CCDC7: variants seen among roughly 807,000 people sequenced by gnomAD.
The protein encoded by CCDC7 is coiled-coil domain containing 7, also known as coiled-coil domain-containing protein 7.
In CCDC7, 183 loss-of-function variants were observed where a neutral mutation model predicts 196.9. The observed-to-expected ratio is 0.93, with a 90% CI of 0.82 to 1.05. CCDC7 has a LOEUF of 1.05. Ranked by LOEUF, CCDC7 falls within the 50% of genes least tolerant of loss-of-function variation. CCDC7 has a pLI of 0.00. For synonymous variants in CCDC7, 525 were observed against 484.6 expected (o/e 1.08, Z -1.10); for missense variants, 1,540 against 1,482.2 (o/e 1.04, Z -0.64).
intron 13 of CCDC7, among the ~76,000 whole-genome samples, chr10:32,565,026 C>T (rs951846270): frequency 6.6e-6 from 1 of 152,084 alleles, no homozygotes; most frequent in Non-Finnish European, 1.5e-5. Context: ...CTTGATTGTT[C>T]TCCTATTGTT....
intron 9 of CCDC7, among the ~76,000 whole-genome samples, chr10:32,507,546 G>T (rs2045394840): frequency 6.6e-6 from 1 of 152,086 alleles, no homozygotes. Context: ...TGCCTCCTGG[G>T]TTCAAGCAAT....
chr10:32,607,173 T>C (rs1286897985), intron 18 of CCDC7, among the ~76,000 whole-genome samples: 2 of 152,138 alleles, frequency 1.3e-5, no homozygotes, highest in East Asian at 3.9e-4. Context: ...TGGCTCCCCC[T>C]TTGCCCTCTG....
intron 26 of CCDC7, among the ~76,000 whole-genome samples, chr10:32,728,343 G>GT (rs1019234009): frequency 3.9e-5 from 6 of 151,978 alleles, no homozygotes; most frequent in African/African-American, 7.3e-5. Flanking sequence ...TCATTGCCTG[G>GT]TAGCTGTTTA....
At chr10:32,710,406 T>A (rs2141878859) in intron 24 of CCDC7, among the ~76,000 whole-genome samples, 1 of 152,320 alleles carries the variant, frequency 6.6e-6, no homozygotes, top group East Asian at 1.9e-4. Flanking sequence ...TTCAGTCTCA[T>A]CTGCAGGGGA....
chr10:32,456,386 TG>T (rs139970259), intron 3 of CCDC7, 52 bp downstream of exon 4: 58,898 of 1,375,902 alleles, frequency 0.043, 1,355 homozygotes, highest in Non-Finnish European at 0.047. Flanking sequence ...TTGTACTGGT[TG>T]TTGAAAATTG....
intron 41 of CCDC7, among the ~76,000 whole-genome samples, chr10:32,855,965 C>T (rs968485039): frequency 1.3e-5 from 2 of 152,086 alleles, no homozygotes; most frequent in African/African-American, 4.8e-5. Context: ...AGTGCTAAGA[C>T]TAATCGGTAT....
At chr10:32,458,453 G>A (rs994363403) in intron 3 of CCDC7, among the ~76,000 whole-genome samples, 1 of 83,718 alleles carries the variant, frequency 1.2e-5, no homozygotes, top group Non-Finnish European at 2.6e-5. Context: ...TTGTGTGTGT[G>A]TTTGCATGTG....
At chr10:32,728,830 T>C in intron 26 of CCDC7, 57 bp from the exon 28 acceptor site, 1 of 922,342 alleles carries the variant, frequency 1.1e-6, no homozygotes, top group Non-Finnish European at 1.7e-6. Flanking sequence ...ATGTACATAT[T>C]ATACATTCAT....
intron 18 of CCDC7, among the ~76,000 whole-genome samples, chr10:32,598,923 G>A (rs1356930122): frequency 2.0e-5 from 3 of 152,050 alleles, no homozygotes; most frequent in African/African-American, 7.3e-5. Context: ...TATGTGTTAG[G>A]TCCAGTTGGG....
At chr10:32,858,956 C>A (rs1291438176) in intron 41 of CCDC7, among the ~76,000 whole-genome samples, 1 of 152,150 alleles carries the variant, frequency 6.6e-6, no homozygotes, top group African/African-American at 2.4e-5. Context: ...TAGACTCCCA[C>A]ACAATAATAG....
intron 29 of CCDC7, among the ~76,000 whole-genome samples, chr10:32,799,568 T>C (rs932822125): frequency 2.0e-5 from 3 of 152,196 alleles, no homozygotes; most frequent in Admixed American, 1.3e-4. Flanking sequence ...TCCTTCTTGG[T>C]TGTAGGAGGG....
At chr10:32,637,511 G>C (rs1339208135) in intron 20 of CCDC7, among the ~76,000 whole-genome samples, 2 of 152,068 alleles carry the variant, frequency 1.3e-5, no homozygotes, top group African/African-American at 2.4e-5. Context: ...TCTTGTTTTT[G>C]TCAGGTTTGT....
upstream of CCDC7, among the ~76,000 whole-genome samples, chr10:32,449,879 A>G (rs1283951189): frequency 6.6e-6 from 1 of 152,226 alleles, no homozygotes; most frequent in African/African-American, 2.4e-5. Context: ...ATGTGAGGAC[A>G]CAGAGAGTAG....
intron 16 of CCDC7, among the ~76,000 whole-genome samples, chr10:32,581,808 C>A (rs901181976): frequency 6.6e-6 from 1 of 151,984 alleles, no homozygotes; most frequent in Non-Finnish European, 1.5e-5. Context: ...ATTTCAGAAT[C>A]TTAAAAAACA....
chr10:32,721,772 A>G (rs1192946390), intron 25 of CCDC7, among the ~76,000 whole-genome samples: 2 of 152,116 alleles, frequency 1.3e-5, no homozygotes, highest in Admixed American at 1.3e-4. Context: ...GTGGGTCAAC[A>G]GGGCAACAGT....
At chr10:32,595,672 C>T (rs116546771) in intron 18 of CCDC7, among the ~76,000 whole-genome samples, 16,030 of 152,072 alleles carry the variant, frequency 0.11, 1,042 homozygotes, top group South Asian at 0.25. Flanking sequence ...TTTCTCTTGT[C>T]GGCATTTAGT....
At chr10:32,701,611 C>T (rs2078738980) in intron 24 of CCDC7, among the ~76,000 whole-genome samples, 1 of 152,128 alleles carries the variant, frequency 6.6e-6, no homozygotes, top group African/African-American at 2.4e-5. Flanking sequence ...CCTCTTTGTA[C>T]CTCTGGTAGA....
chr10:32,687,209 G>T (rs1234191209), intron 22 of CCDC7, among the ~76,000 whole-genome samples: 2 of 152,162 alleles, frequency 1.3e-5, no homozygotes, highest in African/African-American at 4.8e-5. Flanking sequence ...ATTGCATGGA[G>T]AAATAGTCTC....
chr10:32,604,066 AGTT>A (rs1402929134), intron 18 of CCDC7, among the ~76,000 whole-genome samples: 1 of 151,986 alleles, frequency 6.6e-6, no homozygotes, highest in Admixed American at 6.5e-5. Flanking sequence ...TTCTTCTAGT[AGTT>A]TTATAGTTTC....
Sources: gnomAD v4.1 joint callset for allele counts (sites outside exome capture counted in the v4.1 genomes callset) on GRCh38, gnomAD v4.1.1 for gene constraint, MANE v1.5 for transcripts, NCBI Gene and HGNC (gene_info 2026-07-23, HGNC 2026-07-21) for gene names.